FKBP1B: variants seen among roughly 807,000 people sequenced by gnomAD.
FKBP1B encodes FKBP prolyl isomerase 1B, also known as peptidyl-prolyl cis-trans isomerase FKBP1B.
Under a neutral mutation model 13.5 loss-of-function variants are expected in FKBP1B, and 4 were observed. That is an observed-to-expected ratio of 0.30 (90% CI 0.15 to 0.68). FKBP1B has a LOEUF of 0.68. FKBP1B is among the 30% of genes least tolerant of loss of function. The pLI is 0.76. For synonymous variants in FKBP1B, 54 were observed against 53.6 expected (o/e 1.01, Z -0.03); for missense variants, 93 against 136.2 (o/e 0.68, Z 1.58).
chr2:24,063,203 G>T lies in FKBP1B; in HGVS notation c.*11G>T, dbSNP rs1304857740. The T allele has an allele frequency of 6.4e-7, 1 of 1,573,264 alleles. No homozygotes were observed. The highest frequency in any genetic ancestry group is 8.6e-7 in the Non-Finnish European group (1 of 1,160,010). On this transcript the variant is annotated 3_prime_UTR_variant, in exon 4 of 4. Transcript: ENST00000380986. ...CTCAACTTAGAGTGAAGGCAGGAAG[G>T]AACTCAAGGTGGCTGGAGATGGCTG...
chr2:24,047,174 GC>G (rs1438034303), upstream of FKBP1B: 4 of 151,112 alleles, frequency 2.6e-5, no homozygotes, highest in African/African-American at 9.8e-5. Context: ...CACGCGGCCC[GC>G]CCCATTCTCC....
chr2:24,037,711 G>C, the FKBP1B span: 1 of 1,613,642 alleles, frequency 6.2e-7, no homozygotes, highest in Non-Finnish European at 8.5e-7. Flanking sequence ...AAGATCTTGA[G>C]AGAGTGGATA....
intron 2 of FKBP1B, among the ~76,000 whole-genome samples, chr2:24,056,510 A>G (rs552227647): frequency 1.3e-5 from 2 of 151,586 alleles, no homozygotes; most frequent in Non-Finnish European, 2.9e-5. Flanking sequence ...CACCCAGCTA[A>G]TTTTTGTATT....
chr2:24,033,307 T>A, the FKBP1B span: 1 of 359,246 alleles, frequency 2.8e-6, no homozygotes, highest in Admixed American at 3.9e-5. Flanking sequence ...CACCTCATGG[T>A]TTATTAGGAA....
the FKBP1B span, chr2:24,037,968 G>A: frequency 3.7e-6 from 6 of 1,614,184 alleles, no homozygotes; most frequent in South Asian, 3.3e-5. Context: ...GAGCTATGGA[G>A]CCATCACAGA....
At chr2:24,060,419 G>C (rs1424710925) in intron 2 of FKBP1B, among the ~76,000 whole-genome samples, 3 of 152,134 alleles carry the variant, frequency 2.0e-5, no homozygotes, top group Non-Finnish European at 4.4e-5. Flanking sequence ...GAGTGTGGTG[G>C]TGGGCGCCTG....
chr2:24,055,266 G>A (rs1371494182), intron 2 of FKBP1B, among the ~76,000 whole-genome samples: 3 of 150,458 alleles, frequency 2.0e-5, no homozygotes, highest in Non-Finnish European at 4.4e-5. Flanking sequence ...CAGGCTGAGT[G>A]CAGTGGTGAT....
At chr2:24,057,026 T>C (rs1438256608) in intron 2 of FKBP1B, among the ~76,000 whole-genome samples, 1 of 152,178 alleles carries the variant, frequency 6.6e-6, no homozygotes, top group Non-Finnish European at 1.5e-5. Flanking sequence ...AGGAGTTTTG[T>C]ATATGTTTTG....
intron 2 of FKBP1B, among the ~76,000 whole-genome samples, chr2:24,057,339 G>C (rs954855960): frequency 6.6e-6 from 1 of 151,766 alleles, no homozygotes; most frequent in African/African-American, 2.4e-5. Flanking sequence ...GGGAGTACAG[G>C]AACATGCTAC....
the FKBP1B span, chr2:24,037,769 A>T: frequency 6.2e-7 from 1 of 1,614,250 alleles, no homozygotes; most frequent in South Asian, 1.1e-5. Flanking sequence ...GTAAGTTCAG[A>T]AAGACACCGT....
the FKBP1B span, among the ~76,000 whole-genome samples, chr2:24,043,716 C>A: frequency 9.2e-3 from 1,405 of 152,280 alleles, 12 homozygotes; most frequent in Non-Finnish European, 0.014. Context: ...ATCTAAATGA[C>A]ATTTTTCAGC....
rs540864227 is a variant in FKBP1B at position 24,055,063 on chromosome 2, G to A, written c.85+1114G>A. On this transcript the variant is annotated intron_variant, in intron 2 of 3. Coordinates refer to ENST00000380986, the MANE Select transcript of FKBP1B (RefSeq NM_004116.5). ...GTCTAGGTCAATGAATTTTTTCAAAGTGATCACATTTATGTGACTACCACC... is the reference window on the plus strand; with the variant it reads ...GTCTAGGTCAATGAATTTTTTCAAAATGATCACATTTATGTGACTACCACC... Among the ~76,000 whole-genome samples, 5 of 152,218 alleles carry A rather than the reference G, an allele frequency of 3.3e-5. No homozygotes were observed. In the East Asian group the frequency reaches 9.6e-4, roughly 29 times the overall value.
intron 1 of FKBP1B, among the ~76,000 whole-genome samples, chr2:24,051,228 G>A (rs1165209664): frequency 6.6e-6 from 1 of 152,072 alleles, no homozygotes; most frequent in African/African-American, 2.4e-5. Flanking sequence ...CAGCTACTCG[G>A]GAGGCTGGGG....
chr2:24,062,312 A>G (rs959456508), intron 3 of FKBP1B, among the ~76,000 whole-genome samples: 6 of 152,092 alleles, frequency 3.9e-5, no homozygotes, highest in Admixed American at 3.3e-4. Context: ...AGCTGAGATT[A>G]CAGGTGTGCA....
chr2:24,037,785 T>A, the FKBP1B span: 1 of 1,614,254 alleles, frequency 6.2e-7, no homozygotes, highest in Non-Finnish European at 8.5e-7. Context: ...ACCGTTGCAT[T>A]TCAACCAGGT....
At position 24,049,906 on chromosome 2, in the gene FKBP1B, G is replaced by A; in HGVS notation, c.37+20G>A. On this transcript the variant is annotated intron_variant, in intron 1 of 3. Transcript: ENST00000380986. The stretch of plus-strand genomic sequence containing the variant: ...GAGACGGTACCGGGCTCCCTCCGGA[G>A]CCAGGGGAGGGGAGGGGTCCCGGGG... The A allele has an allele frequency of 2.1e-6, 3 of 1,399,756 alleles. No individual in the cohort carries two copies. Among genetic ancestry groups the A allele is most frequent in the Non-Finnish European group, 2.8e-6 (3 of 1,076,178 alleles). The allele number at this position is 1,399,756 out of a possible 1,614,324, so 86.7% of individuals were successfully genotyped here.
chr2:24,053,394 G>A (rs1322374597), intron 1 of FKBP1B, among the ~76,000 whole-genome samples: 1 of 149,808 alleles, frequency 6.7e-6, no homozygotes, highest in East Asian at 1.9e-4. Context: ...CTCCCAAAGT[G>A]CTGAGATTAC....
the FKBP1B span, chr2:24,038,046 A>C: frequency 6.2e-7 from 1 of 1,614,200 alleles, no homozygotes; most frequent in South Asian, 1.1e-5. Flanking sequence ...GACTACTGGT[A>C]TTAACTGTCA....
At chr2:24,053,796 G>C in intron 1 of FKBP1B, 106 bp from the exon 2 acceptor site, 4 of 1,057,978 alleles carry the variant, frequency 3.8e-6, no homozygotes, top group African/African-American at 1.5e-5. Flanking sequence ...CATCTCCATG[G>C]CATGGAGGGG....
Sources: allele counts gnomAD v4.1 joint callset (sites outside exome capture counted in the v4.1 genomes callset), GRCh38; gene constraint gnomAD v4.1.1; transcripts MANE v1.5; gene names NCBI Gene and HGNC (gene_info 2026-07-23, HGNC 2026-07-21).